The following DRC8 variants were observed in gnomAD, a reference collection of about 807,000 sequenced individuals.
The protein encoded by DRC8 is dynein regulatory complex protein 8.
chr1:245,082,000 C>A, the DRC8 span: 2 of 1,122,360 alleles, frequency 1.8e-6, no homozygotes, highest in Non-Finnish European at 2.7e-6. Flanking sequence ...GAGTCTCTAG[C>A]ACTTGGCACA....
At chr1:245,023,816 A>G in the DRC8 span, among the ~76,000 whole-genome samples, 2 of 152,164 alleles carry the variant, frequency 1.3e-5, no homozygotes, top group Admixed American at 6.5e-5. Context: ...GTATGATACT[A>G]TATAAACCAT....
At chr1:245,074,603 C>G in the DRC8 span, among the ~76,000 whole-genome samples, 3 of 152,192 alleles carry the variant, frequency 2.0e-5, no homozygotes, top group African/African-American at 4.8e-5. Flanking sequence ...TTCTTAGACT[C>G]TCTGGTGATT....
the DRC8 span, among the ~76,000 whole-genome samples, chr1:245,039,946 C>T: frequency 6.6e-6 from 1 of 152,124 alleles, no homozygotes; most frequent in Non-Finnish European, 1.5e-5. Flanking sequence ...ATAGTGTCTG[C>T]CAGGTTTCCC....
chr1:244,972,445 C>G, the DRC8 span, among the ~76,000 whole-genome samples: 1 of 152,182 alleles, frequency 6.6e-6, no homozygotes, highest in African/African-American at 2.4e-5. Context: ...TGGACAGCAG[C>G]CTGGACATCA....
chr1:245,107,642 A>G, the DRC8 span, among the ~76,000 whole-genome samples: 1 of 152,104 alleles, frequency 6.6e-6, no homozygotes, highest in African/African-American at 2.4e-5. Context: ...GGCTGCTTGC[A>G]TTTGGCAGGG....
the DRC8 span, among the ~76,000 whole-genome samples, chr1:244,985,076 G>GTTTTTTTTTTTTTTTT: frequency 7.6e-6 from 1 of 130,806 alleles, no homozygotes; most frequent in African/African-American, 3.1e-5. Flanking sequence ...TGTCTCCAGG[G>GTTTTTTTTTTTTTTTT]TTTTTTTTTT....
At chr1:245,075,844 G>A in the DRC8 span, among the ~76,000 whole-genome samples, 2 of 152,182 alleles carry the variant, frequency 1.3e-5, no homozygotes, top group African/African-American at 4.8e-5. Context: ...TGTTTTGTGA[G>A]TTGCTTCTGT....
chr1:245,110,626 C>A, the DRC8 span, among the ~76,000 whole-genome samples: 1 of 152,262 alleles, frequency 6.6e-6, no homozygotes. Flanking sequence ...AGAGCAGGGC[C>A]TTTGCCCAAA....
At chr1:245,103,106 G>A in the DRC8 span, among the ~76,000 whole-genome samples, 491 of 144,704 alleles carry the variant, frequency 3.4e-3, no homozygotes, top group African/African-American at 0.012. Context: ...TGGTCAGGAG[G>A]GAGACCAGAG....
At chr1:244,984,846 C>A in the DRC8 span, among the ~76,000 whole-genome samples, 10 of 93,046 alleles carry the variant, frequency 1.1e-4, no homozygotes, top group South Asian at 2.0e-3. Flanking sequence ...AAACACCCCC[C>A]CTTCAAAAAA....
At chr1:245,032,271 G>T in the DRC8 span, among the ~76,000 whole-genome samples, 2 of 152,252 alleles carry the variant, frequency 1.3e-5, no homozygotes, top group South Asian at 4.1e-4. Flanking sequence ...CTTTAAAGGG[G>T]TTAGAAACAA....
At chr1:245,091,014 T>A in the DRC8 span, 2 of 152,108 alleles carry the variant, frequency 1.3e-5, no homozygotes, top group South Asian at 4.1e-4. Flanking sequence ...CCCAAGATCA[T>A]TTTTTTCCCC....
the DRC8 span, among the ~76,000 whole-genome samples, chr1:245,005,855 G>A: frequency 6.6e-6 from 1 of 152,138 alleles, no homozygotes; most frequent in Non-Finnish European, 1.5e-5. Flanking sequence ...ACTCTTAAAC[G>A]TGAGTGACGA....
At chr1:244,983,590 A>G in the DRC8 span, among the ~76,000 whole-genome samples, 3 of 152,020 alleles carry the variant, frequency 2.0e-5, no homozygotes, top group Non-Finnish European at 4.4e-5. Flanking sequence ...AAATACAAAA[A>G]TTAGCCAGTT....
chr1:244,981,291 T>A, the DRC8 span, among the ~76,000 whole-genome samples: 8 of 151,870 alleles, frequency 5.3e-5, no homozygotes, highest in Non-Finnish European at 1.0e-4. Context: ...AAATAACTTG[T>A]GAATAAGATT....
the DRC8 span, chr1:244,970,833 AGGCGCCGGC>A: frequency 2.6e-4 from 80 of 303,734 alleles, no homozygotes; most frequent in African/African-American, 1.7e-3. Flanking sequence ...GCTGCGCCGG[AGGCGCCGGC>A]AGGGGGTGCT....
the DRC8 span, among the ~76,000 whole-genome samples, chr1:245,028,476 T>C: frequency 6.6e-6 from 1 of 152,208 alleles, no homozygotes; most frequent in African/African-American, 2.4e-5. Context: ...CTTTACCTTT[T>C]CTTAAAGAGG....
the DRC8 span, chr1:244,970,151 G>A: frequency 3.2e-4 from 216 of 685,490 alleles, no homozygotes; most frequent in Non-Finnish European, 5.4e-4. Context: ...GTCCGGCTCC[G>A]GCCTCGGGTC....
the DRC8 span, among the ~76,000 whole-genome samples, chr1:245,012,166 A>C: frequency 2.6e-5 from 4 of 152,188 alleles, no homozygotes; most frequent in Non-Finnish European, 5.9e-5. Flanking sequence ...ATTGGAATGC[A>C]CACTTTTTAA....
Sources: gnomAD v4.1 joint callset for allele counts (sites outside exome capture counted in the v4.1 genomes callset) on GRCh38, gnomAD v4.1.1 for gene constraint, MANE v1.5 for transcripts, NCBI Gene and HGNC (gene_info 2026-07-23, HGNC 2026-07-21) for gene names.